The following DOK2 variants were observed in gnomAD, a reference collection of about 807,000 sequenced individuals.
The protein encoded by DOK2 is docking protein 2.
Under a neutral mutation model 26.0 loss-of-function variants are expected in DOK2, and 28 were observed. The ratio of observed to expected loss-of-function variants is 1.08; its 90% CI spans 0.80 to 1.48. The LOEUF (loss-of-function observed/expected upper bound fraction) is 1.48. DOK2 is among the 40% of genes most tolerant of loss of function. The pLI is 0.00. For missense variants in DOK2, 682 were observed against 558.2 expected, an observed-to-expected ratio of 1.22 and a Z score of -2.23; for synonymous variants, 282 against 236.9, an observed-to-expected ratio of 1.19 and a Z score of -1.75.
Position 21,911,907 on chromosome 8 carries a change from C to T in DOK2, c.427G>A (p.Val143Ile). The change falls in exon 3 of 5, where the codon GTC (valine) becomes ATC (isoleucine). Residue 143 changes from valine (V) to isoleucine (I), a missense_variant. Coordinates refer to ENST00000276420, the MANE Select transcript of DOK2 (RefSeq NM_003974.4). The stretch of plus-strand genomic sequence containing the variant: ...GCAGCCCCCGCCCCCTCACCTGTGA[C>T]TGCGCTGCTGTACAATTCATTTTCC... Reference protein sequence around the residue: ...MEENELYSSAVTVGPHKEFAV... With the variant: ...MEENELYSSAITVGPHKEFAV... The T allele has an allele frequency of 6.4e-7, 1 of 1,560,422 alleles. No individual in the cohort carries two copies. Among genetic ancestry groups the T allele is most frequent in the Non-Finnish European group, 8.7e-7 (1 of 1,152,216 alleles).
At chr8:21,911,364 T>C (rs1359099981) in intron 3 of DOK2, among the ~76,000 whole-genome samples, 1 of 152,128 alleles carries the variant, frequency 6.6e-6, no homozygotes, top group Non-Finnish European at 1.5e-5. Flanking sequence ...CCCAACACTT[T>C]GGGAGGCTGA....
At position 21,912,088 on chromosome 8, in the gene DOK2, G is replaced by A. The variant is rs189506695; in HGVS notation, c.346-100C>T. On this transcript the variant is annotated intron_variant, in intron 2 of 4. Transcript: ENST00000276420. Reference sequence around the variant, plus strand: ...CCACCTCAACCTGCTGGCTCTGTCTGCACACTGGGTTCGGGTCCCCCCACA... The same window carrying A: ...CCACCTCAACCTGCTGGCTCTGTCTACACACTGGGTTCGGGTCCCCCCACA... 3.3e-3 allele frequency: 4,873 copies of A among 1,478,480 alleles called. 28 individuals are homozygous for A. Among genetic ancestry groups the A allele is most frequent in the South Asian group, 0.018 (1,374 of 75,512 alleles). 91.6% of individuals were successfully genotyped at this position (1,478,480 alleles called of 1,614,324 possible). A position where few individuals can be genotyped will look rare whatever the true frequency, so the allele number is the denominator to read the frequency against.
intron 3 of DOK2, chr8:21,911,105 G>T: frequency 2.0e-6 from 1 of 512,568 alleles, no homozygotes; most frequent in East Asian, 3.4e-5. Context: ...CCCCAACCTC[G>T]TGCCCACATC....
intron 3 of DOK2, chr8:21,911,188 C>T: frequency 3.3e-6 from 1 of 303,804 alleles, no homozygotes; most frequent in Non-Finnish European, 6.1e-6. Flanking sequence ...CAGCCACCAC[C>T]CTAGTCCCTA....
intron 1 of DOK2, among the ~76,000 whole-genome samples, chr8:21,913,167 A>T (rs570698773): frequency 1.3e-5 from 2 of 152,202 alleles, no homozygotes; most frequent in Admixed American, 1.3e-4. Flanking sequence ...TGGGGTTGGG[A>T]AGGAACCTCT....
chr8:21,909,412 CA>C lies in DOK2; in HGVS notation c.1137del (p.Gly380AlafsTer28). ...CCGGCTGGCTGGACATGCTGGAGGC[CA>C]GCAGGGTCCCTGTCAGCTGTCGCCT... ...RRQATADRDP[A>X]GLQHVQPAGQ... is the part of the protein sequence containing the mutation. On this transcript the variant is annotated frameshift_variant, in exon 5 of 5. Coordinates refer to ENST00000276420, the MANE Select transcript of DOK2 (RefSeq NM_003974.4). LOFTEE classifies it low-confidence loss of function (END_TRUNC). The C allele has an allele frequency of 1.2e-6, 2 of 1,610,940 alleles. No individual in the cohort carries two copies. The highest frequency in any genetic ancestry group is 1.7e-6 in the Non-Finnish European group (2 of 1,178,102).
At position 21,909,942 on chromosome 8, in the gene DOK2, G is replaced by C. The variant is rs763802401; in HGVS notation, c.619-11C>G. On this transcript the variant is annotated splice_polypyrimidine_tract_variant and intron_variant, in intron 4 of 4. Transcript: ENST00000276420. ...AAAGGAAAAGGTTACCTGGACCAGGGAGAAAGCAGGTTATTGGCCAGGCCA... is the reference window on the plus strand; with the variant it reads ...AAAGGAAAAGGTTACCTGGACCAGGCAGAAAGCAGGTTATTGGCCAGGCCA... 8 of 1,601,514 alleles carry C rather than the reference G, an allele frequency of 5.0e-6. No homozygotes were observed. The East Asian group carries it at 6.7e-5, about 13-fold the overall frequency.
In DOK2 at chr8:21,912,454, C is replaced by T; in HGVS notation, c.120G>A (p.Arg40=). Residue 40 remains arginine, a synonymous_variant, in exon 2 of 5, where the codon CGG becomes CGA. Transcript: ENST00000276420. ...TCTCCGGGCCCTCCTGCAGCTCCAG[C>T]CGGGCCAAGGCGCAGTCCGACCCTC... The part of the protein sequence containing the change: ...LYGGSDCALA[R]LELQEGPEKP... The T allele has an allele frequency of 6.4e-7, 1 of 1,565,578 alleles. No individual in the cohort carries two copies. The highest frequency in any genetic ancestry group is 8.6e-7 in the Non-Finnish European group (1 of 1,157,296).
In DOK2 at chr8:21,912,453, G is replaced by C. The variant is rs370181142; in HGVS notation, c.121C>G (p.Leu41Val). 7.0e-6 allele frequency: 11 copies of C among 1,565,948 alleles called. No homozygotes were observed. In the African/African-American group the frequency reaches 1.4e-4, roughly 19 times the overall value. Residue 41 changes from leucine to valine, a missense_variant, in exon 2 of 5, where the codon CTG becomes GTG. Transcript: ENST00000276420. The stretch of plus-strand genomic sequence containing the variant: ...TTCTCCGGGCCCTCCTGCAGCTCCA[G>C]CCGGGCCAAGGCGCAGTCCGACCCT... ...YGGSDCALAR[L>V]ELQEGPEKPR...
Position 21,909,733 on chromosome 8 carries a change from G to A in DOK2, c.817C>T (p.Arg273Trp), listed in dbSNP as rs368473444. 443 of 1,613,546 alleles carry A rather than the reference G, an allele frequency of 2.7e-4. No homozygotes were observed. The highest frequency in any genetic ancestry group is 3.4e-4 in the Non-Finnish European group (400 of 1,180,040). ...SLPRPDSPYS[R>W]PHDSLPPPSP... ...GGCGGCGGCAGTGAGTCATGCGGCC[G>A]AGAGTAGGGGCTATCAGGCCGGGGC... is the stretch of plus-strand genomic sequence containing the variant. Residue 273 changes from arginine (R) to tryptophan (W), a missense_variant, in exon 5 of 5, where the codon CGG becomes TGG. By Grantham distance (101) the Arg-to-Trp change is moderately radical. Transcript: ENST00000276420.
chr8:21,909,380 A>C lies in DOK2; in HGVS notation c.1170T>G (p.Asp390Glu). The C allele has an allele frequency of 1.3e-6, 2 of 1,591,334 alleles. No homozygotes were observed. Among genetic ancestry groups the C allele is most frequent in the Non-Finnish European group, 1.7e-6 (2 of 1,168,176 alleles). ...GLQHVQPAGQDFSASGWQPGT... is the reference protein window; with the variant it reads ...GLQHVQPAGQEFSASGWQPGT... ...CTGGCTGCCAGCCAGAAGCAGAGAA[A>C]TCCTGCCCGGCTGGCTGGACATGCT... is the stretch of plus-strand genomic sequence containing the variant. Residue 390 changes from aspartate (D) to glutamate (E), a missense_variant, in exon 5 of 5, where the codon GAT becomes GAG. Transcript: ENST00000276420.
rs116347612 is a variant in DOK2, at chr8:21,910,454, G to C, written c.618+219C>G. Among the ~76,000 whole-genome samples, 907 of 152,188 alleles carry C rather than the reference G, an allele frequency of 6.0e-3. 12 individuals are homozygous for C. Among genetic ancestry groups the C allele is most frequent in the African/African-American group, 0.021 (863 of 41,526 alleles). On this transcript the variant is annotated intron_variant, in intron 4 of 4. Coordinates refer to ENST00000276420, the MANE Select transcript of DOK2 (RefSeq NM_003974.4). ...GCTCACTGCCACCATTTCAAGGATG[G>C]AGCTAGGCACTAGTTCAGACGCTGT... is the stretch of plus-strand genomic sequence containing the variant.
In DOK2 at chr8:21,912,458, G is replaced by C. The variant is rs1191952018; in HGVS notation, c.116C>G (p.Ala39Gly). Reference sequence around the variant, plus strand: ...CGGGCCCTCCTGCAGCTCCAGCCGGGCCAAGGCGCAGTCCGACCCTCCATA... The same window carrying C: ...CGGGCCCTCCTGCAGCTCCAGCCGGCCCAAGGCGCAGTCCGACCCTCCATA... ...SLYGGSDCAL[A>G]RLELQEGPEK... Residue 39 changes from alanine (A) to glycine (G), a missense_variant, in exon 2 of 5, where the codon GCC becomes GGC. Physicochemically the swap from Ala to Gly is moderately conservative, Grantham distance 60 (BLOSUM62 0). Coordinates refer to ENST00000276420, the MANE Select transcript of DOK2 (RefSeq NM_003974.4). 1 of 1,564,768 alleles carries C rather than the reference G, an allele frequency of 6.4e-7. No homozygotes were observed. The highest frequency in any genetic ancestry group is 1.9e-5 in the Admixed American group (1 of 54,042).
chr8:21,910,146 TA>T (rs1050296878), intron 4 of DOK2, among the ~76,000 whole-genome samples: 1 of 152,130 alleles, frequency 6.6e-6, no homozygotes, highest in Non-Finnish European at 1.5e-5. Flanking sequence ...CACGCCCAGC[TA>T]ATTTCTGTAT....
chr8:21,909,390 G>A lies in DOK2; in HGVS notation c.1160C>T (p.Ala387Val). Reference protein sequence around the residue: ...DPAGLQHVQPAGQDFSASGWQ... With the variant: ...DPAGLQHVQPVGQDFSASGWQ... ...GCCAGAAGCAGAGAAATCCTGCCCG[G>A]CTGGCTGGACATGCTGGAGGCCAGC... The change falls in exon 5 of 5, where the codon GCC (alanine) becomes GTC (valine). Residue 387 changes from alanine (A) to valine (V), a missense_variant. Coordinates refer to ENST00000276420, the MANE Select transcript of DOK2 (RefSeq NM_003974.4). The A allele has an allele frequency of 2.5e-6, 4 of 1,599,592 alleles. No homozygotes were observed. Among genetic ancestry groups the A allele is most frequent in the Non-Finnish European group, 3.4e-6 (4 of 1,172,112 alleles).
rs772085717 is a variant in DOK2, at chr8:21,912,002, G to A, written c.346-14C>T. On this transcript the variant is annotated splice_polypyrimidine_tract_variant and intron_variant, in intron 2 of 4. Coordinates refer to ENST00000276420, the MANE Select transcript of DOK2 (RefSeq NM_003974.4). ...CTTCCTCTGCCCCTAGGGAGGAGGC[G>A]CCCCGTCTCATCACCTTCCCCGATC... is the stretch of plus-strand genomic sequence containing the variant. 59 of 1,544,850 alleles carry A rather than the reference G, an allele frequency of 3.8e-5. No homozygotes were observed. The highest frequency in any genetic ancestry group is 9.9e-5 in the Admixed American group (5 of 50,290).
intron 3 of DOK2, chr8:21,911,079 C>T (rs996467716): frequency 7.0e-6 from 4 of 571,096 alleles, no homozygotes; most frequent in Non-Finnish European, 1.2e-5. Flanking sequence ...AGGCATCACG[C>T]CCCTACCCAC....
intron 4 of DOK2, 121 bp from the exon 5 acceptor site, chr8:21,910,052 G>C (rs1809778020): frequency 6.0e-6 from 7 of 1,171,514 alleles, no homozygotes; most frequent in Non-Finnish European, 1.2e-6. Flanking sequence ...CACAATCTCA[G>C]CTCACTGCAA....
At chr8:21,913,416 T>C in intron 1 of DOK2, 123 bp downstream of exon 1, 1 of 1,160,416 alleles carries the variant, frequency 8.6e-7, no homozygotes, top group African/African-American at 1.6e-5. Flanking sequence ...GAGCTCTGGG[T>C]CTAACTTGGT....
Sources: gnomAD v4.1 joint callset for allele counts (sites outside exome capture counted in the v4.1 genomes callset) on GRCh38, gnomAD v4.1.1 for gene constraint, MANE v1.5 for transcripts, NCBI Gene and HGNC (gene_info 2026-07-23, HGNC 2026-07-21) for gene names.